ESR1: variants seen among roughly 807,000 people sequenced by gnomAD.
ESR1 encodes the protein estrogen receptor.
Under a neutral mutation model 52.7 loss-of-function variants are expected in ESR1, and 12 were observed. The ratio of observed to expected loss-of-function variants is 0.23; its 90% CI spans 0.15 to 0.37. The LOEUF (loss-of-function observed/expected upper bound fraction) is 0.37. Among genes scored for constraint, ESR1 ranks in the 10% least tolerant of loss-of-function variants. The pLI, the probability that ESR1 is intolerant of heterozygous loss-of-function variation, is 1.00. For synonymous variants in ESR1, 305 were observed against 316.8 expected (o/e 0.96, Z 0.39); for missense variants, 584 against 779.7 (o/e 0.75, Z 2.99).
At chr6:151,966,437 ATT>A (rs1562606911) in intron 4 of ESR1, among the ~76,000 whole-genome samples, 1 of 151,890 alleles carries the variant, frequency 6.6e-6, no homozygotes, top group African/African-American at 2.4e-5. Context: ...GCTCTGTGAA[ATT>A]TTTTGTTATG....
At chr6:151,912,819 A>G (rs1275611080) in intron 3 of ESR1, among the ~76,000 whole-genome samples, 1 of 152,208 alleles carries the variant, frequency 6.6e-6, no homozygotes, top group African/African-American at 2.4e-5. Context: ...TAACACAGGA[A>G]CAGAAAACCA....
In ESR1 at chr6:151,970,483, G is replaced by A. The variant is rs74526854; in HGVS notation, c.1096+25975G>A. On this transcript the variant is annotated intron_variant, in intron 4 of 7. Transcript: ENST00000206249. ...TCTAGAAGGTAAGCTTGGTGATGGGGCAGTCACAGCCCTAGTGCTTATGGA... is the reference window on the plus strand; with the variant it reads ...TCTAGAAGGTAAGCTTGGTGATGGGACAGTCACAGCCCTAGTGCTTATGGA... 2.6e-4 allele frequency among the ~76,000 whole-genome samples: 39 copies of A among 152,260 alleles called. No individual in the cohort carries two copies. In the East Asian group the frequency reaches 6.0e-3, roughly 23 times the overall value.
At chr6:151,804,732 C>T (rs1441450696), upstream of ESR1, 1 of 152,214 alleles carries the variant, frequency 6.6e-6, no homozygotes, top group Admixed American at 6.5e-5. Flanking sequence ...AGACCGGCCA[C>T]TCCTGGCATT....
intron 5 of ESR1, among the ~76,000 whole-genome samples, chr6:152,015,054 G>A (rs553590838): frequency 9.9e-4 from 150 of 152,068 alleles, no homozygotes; most frequent in South Asian, 4.0e-3. Flanking sequence ...ATGAAATTCC[G>A]TCTCAAAAAA....
At chr6:152,084,628 G>A (rs913501620) in intron 6 of ESR1, among the ~76,000 whole-genome samples, 1 of 149,036 alleles carries the variant, frequency 6.7e-6, no homozygotes, top group African/African-American at 2.5e-5. Flanking sequence ...TGGACTGCAA[G>A]TTTGGCTCTA....
intron 6 of ESR1, among the ~76,000 whole-genome samples, chr6:152,083,629 T>C (rs980897655): frequency 1.3e-5 from 2 of 152,234 alleles, no homozygotes; most frequent in Non-Finnish European, 2.9e-5. Flanking sequence ...CTAAAGAGCT[T>C]CTGCACAGCA....
intron 1 of ESR1, among the ~76,000 whole-genome samples, chr6:151,823,261 A>G (rs1010672202): frequency 6.6e-6 from 1 of 152,098 alleles, no homozygotes; most frequent in Non-Finnish European, 1.5e-5. Flanking sequence ...GCCCGTTTCC[A>G]CCTGCTTTTC....
In ESR1 at chr6:152,011,517, A is replaced by G. The variant is rs1350098445; in HGVS notation, c.1097-139A>G. ...ACTTTAAAAATAATTACTTGACTTC[A>G]CTATAAAGTATGTTCGTATTGCATT... On this transcript the variant is annotated intron_variant, in intron 4 of 7. Coordinates refer to ENST00000206249, the MANE Select transcript of ESR1 (RefSeq NM_000125.4). 3 of 950,054 alleles carry G rather than the reference A, an allele frequency of 3.2e-6. No homozygotes were observed. The East Asian group carries it at 7.3e-5, about 23-fold the overall frequency. The allele number at this position is 950,054 out of a possible 1,614,324, so 58.9% of individuals were successfully genotyped here. A position where few individuals can be genotyped will look rare whatever the true frequency, so the allele number is the denominator to read the frequency against.
chr6:151,896,744 AT>A lies in ESR1; in HGVS notation c.760+15976del, dbSNP rs1795576822. Among the ~76,000 whole-genome samples, 4 of 143,862 alleles carry A rather than the reference AT, an allele frequency of 2.8e-5. No homozygotes were observed. The South Asian group carries it at 8.8e-4, about 32-fold the overall frequency. The allele number at this position is 143,862 out of a possible 152,430, so 94.4% of individuals were successfully genotyped here. A position where few individuals can be genotyped will look rare whatever the true frequency, so the allele number is the denominator to read the frequency against. Reference sequence around the variant, plus strand: ...CTGGCTTTGGGTTTCGTTTGTTTTTATTTCTGTAGTTCCTTGATTTGTGACC... The same window carrying A: ...CTGGCTTTGGGTTTCGTTTGTTTTTATTCTGTAGTTCCTTGATTTGTGACC... On this transcript the variant is annotated intron_variant, in intron 3 of 7. Transcript: ENST00000206249.
rs545238634 is a variant in ESR1, at chr6:152,114,938, A to G, written c.851-10328A>G. On this transcript the variant is annotated intron_variant, in intron 6 of 6. Coordinates refer to the ESR1 transcript ENST00000427531. The stretch of plus-strand genomic sequence containing the variant: ...AAAAGCAAGTCAAATGTTTCCTCAT[A>G]TAAGAACTGAAGTACTTTTCTTTTG... Among the ~76,000 whole-genome samples, 55 of 150,102 alleles carry G rather than the reference A, an allele frequency of 3.7e-4. No homozygotes were observed. The South Asian group carries it at 9.9e-3, about 27-fold the overall frequency.
At chr6:151,855,283 A>G (rs1228887457) in intron 2 of ESR1, among the ~76,000 whole-genome samples, 1 of 152,232 alleles carries the variant, frequency 6.6e-6, no homozygotes, top group Non-Finnish European at 1.5e-5. Flanking sequence ...GGTATATTAT[A>G]ATCACCATGG....
intron 4 of ESR1, among the ~76,000 whole-genome samples, chr6:151,975,541 A>C (rs1010522263): frequency 2.0e-5 from 3 of 152,086 alleles, no homozygotes; most frequent in African/African-American, 7.2e-5. Context: ...TCTGTAAGGC[A>C]GGCTGGCTGA....
At position 152,061,205 on chromosome 6, in the gene ESR1, C is replaced by T; in HGVS notation, c.1369+81C>T. The T allele has an allele frequency of 1.5e-6, 2 of 1,334,636 alleles. No individual in the cohort carries two copies. Among genetic ancestry groups the T allele is most frequent in the Non-Finnish European group, 1.1e-6 (1 of 930,094 alleles). The allele number at this position is 1,334,636 out of a possible 1,614,324, so 82.7% of individuals were successfully genotyped here. ...TCAACCAGATACGATCTACCCACTC[C>T]AAAGGCATAATGTCATAAATAGAAA... On this transcript the variant is annotated intron_variant, in intron 6 of 7. Coordinates refer to ENST00000206249, the MANE Select transcript of ESR1 (RefSeq NM_000125.4). This position sits in a 1 kb window ranked among gnomAD's most constrained non-coding sequence, Gnocchi z 4.3.
chr6:151,708,177 ATG>A (rs1338200013), intron 2 of ESR1, among the ~76,000 whole-genome samples: 3 of 152,056 alleles, frequency 2.0e-5, no homozygotes, highest in Non-Finnish European at 4.4e-5. Flanking sequence ...TACATAATAT[ATG>A]TGTGTGTGTA....
chr6:151,718,267 A>G (rs1053989221), intron 2 of ESR1, among the ~76,000 whole-genome samples: 1 of 152,240 alleles, frequency 6.6e-6, no homozygotes, highest in Non-Finnish European at 1.5e-5. Flanking sequence ...AGTCAACTAC[A>G]TCTGGAAGGT....
intron 1 of ESR1, among the ~76,000 whole-genome samples, chr6:151,811,587 C>G (rs1778842481): frequency 6.6e-6 from 1 of 152,150 alleles, no homozygotes. Flanking sequence ...AATTTTTCCA[C>G]TGGTGATCAT....
intron 2 of ESR1, among the ~76,000 whole-genome samples, chr6:151,858,289 G>T (rs1238787279): frequency 6.6e-6 from 1 of 152,180 alleles, no homozygotes; most frequent in Admixed American, 6.5e-5. Context: ...CAGGAATCTA[G>T]GTCTTTACAG....
chr6:151,889,607 C>T (rs9340862), intron 3 of ESR1, among the ~76,000 whole-genome samples: 1,557 of 152,172 alleles, frequency 0.01, 17 homozygotes, highest in South Asian at 0.021. Context: ...AAAACAAATT[C>T]GTAGTTTCAC....
At chr6:151,816,281 G>A (rs1779629807) in intron 1 of ESR1, among the ~76,000 whole-genome samples, 1 of 152,118 alleles carries the variant, frequency 6.6e-6, no homozygotes, top group Non-Finnish European at 1.5e-5. Context: ...AATGAGAATC[G>A]ATTCTGTATA....
Sources: gnomAD v4.1 joint callset for allele counts (sites outside exome capture counted in the v4.1 genomes callset) on GRCh38, gnomAD v4.1.1 for gene constraint, Gnocchi (gnomAD v3.1) non-coding constraint, MANE v1.5 for transcripts, NCBI Gene and HGNC (gene_info 2026-07-23, HGNC 2026-07-21) for gene names.